The following SEMA3A variants were observed in gnomAD, a reference collection of about 807,000 sequenced individuals.
SEMA3A encodes semaphorin-3A.
A neutral mutation model predicts 97.9 loss-of-function variants in SEMA3A; 29 were observed. The observed-to-expected ratio is 0.30, with a 90% CI of 0.22 to 0.40. SEMA3A has a LOEUF of 0.40. Among genes scored for constraint, SEMA3A ranks in the 10% least tolerant of loss-of-function variants. The pLI, the probability that SEMA3A is intolerant of heterozygous loss-of-function variation, is 1.00. For synonymous variants in SEMA3A, 321 were observed against 323.7 expected (o/e 0.99, Z 0.09); for missense variants, 763 against 951.3 (o/e 0.80, Z 2.60).
At chr7:84,277,292 G>A (rs1290352748) in intron 3 of SEMA3A, among the ~76,000 whole-genome samples, 1 of 151,988 alleles carries the variant, frequency 6.6e-6, no homozygotes, top group Non-Finnish European at 1.5e-5. Flanking sequence ...ATGAAATCAT[G>A]GTTTAATATA....
At chr7:84,433,008 C>T (rs1805024574) in intron 1 of SEMA3A, among the ~76,000 whole-genome samples, 1 of 151,788 alleles carries the variant, frequency 6.6e-6, no homozygotes, top group Admixed American at 6.6e-5. Flanking sequence ...TTTACATTTC[C>T]TACCACAGTG....
Position 83,961,649 on chromosome 7 carries a change from C to T in SEMA3A, c.2038G>A (p.Asp680Asn). ...TEHLEELLHK[D>N]DDGDGSKTKE... ...GTCTTAGAGCCATCTCCATCATCAT[C>T]TTTATGAAGAAGTTCTTCCAAATGC... The change falls in exon 17 of 17, where the codon GAT becomes AAT. Residue 680 changes from aspartate to asparagine, a missense_variant. Asp to Asn is a conservative substitution (Grantham distance 23). Around this residue, in one of 2 missense-constraint regions of SEMA3A, gnomAD observed 678 missense variants for 881.3 expected, o/e 0.77. Transcript: ENST00000265362. The T allele has an allele frequency of 1.2e-6, 2 of 1,613,886 alleles. No individual in the cohort carries two copies. The highest frequency in any genetic ancestry group is 8.5e-7 in the Non-Finnish European group (1 of 1,179,864).
intron 3 of SEMA3A, among the ~76,000 whole-genome samples, chr7:84,302,093 C>T (rs905764842): frequency 7.2e-5 from 11 of 151,958 alleles, no homozygotes; most frequent in Admixed American, 4.6e-4. Context: ...CAATGGACTA[C>T]CATTCAGTAA....
chr7:84,200,045 C>T (rs1029433599), upstream of SEMA3A, among the ~76,000 whole-genome samples: 3 of 151,866 alleles, frequency 2.0e-5, no homozygotes, highest in African/African-American at 4.8e-5. Flanking sequence ...TTAACTCTTC[C>T]CTCTCCCTTT....
intron 3 of SEMA3A, among the ~76,000 whole-genome samples, chr7:84,259,261 C>T (rs1170467482): frequency 6.6e-6 from 1 of 152,150 alleles, no homozygotes; most frequent in African/African-American, 2.4e-5. Flanking sequence ...CTATGCAACA[C>T]ACAATTTATG....
chr7:84,419,566 T>G (rs1397134265), intron 1 of SEMA3A, among the ~76,000 whole-genome samples: 1 of 151,040 alleles, frequency 6.6e-6, no homozygotes, highest in East Asian at 1.9e-4. Context: ...TAAAATAGAC[T>G]GCCTAAAGCC....
At chr7:84,006,397 TATTC>T (rs1790669377) in intron 10 of SEMA3A, among the ~76,000 whole-genome samples, 2 of 152,030 alleles carry the variant, frequency 1.3e-5, no homozygotes, top group African/African-American at 4.8e-5. Flanking sequence ...GGAAAAGTGT[TATTC>T]AAAGTGTTTA....
At chr7:84,061,376 C>T (rs1293444699) in intron 4 of SEMA3A, among the ~76,000 whole-genome samples, 3 of 152,240 alleles carry the variant, frequency 2.0e-5, no homozygotes, top group African/African-American at 4.8e-5. Context: ...AACTAATTCA[C>T]GCTTGAGACC....
At chr7:84,132,544 T>A (rs1013338211) in intron 2 of SEMA3A, among the ~76,000 whole-genome samples, 9 of 151,978 alleles carry the variant, frequency 5.9e-5, no homozygotes, top group Non-Finnish European at 1.3e-4. Context: ...AAGCTATCTA[T>A]CTGTAGATAT....
rs62477297 is a variant in SEMA3A, at chr7:84,095,167, C to A, written c.453+15303G>T. ...TATTATATATTGTATATATATTGCA[C>A]ATATCTCTCTATATATTGCTATATA... is the stretch of plus-strand genomic sequence containing the variant. On this transcript the variant is annotated intron_variant, in intron 4 of 16. Coordinates refer to ENST00000265362, the MANE Select transcript of SEMA3A (RefSeq NM_006080.3). Among the ~76,000 whole-genome samples, 192 of 146,194 alleles carry A rather than the reference C, an allele frequency of 1.3e-3. 2 individuals carry two copies. The East Asian group carries it at 0.017, about 13-fold the overall frequency.
intron 11 of SEMA3A, among the ~76,000 whole-genome samples, chr7:84,003,990 A>G (rs1790560399): frequency 6.6e-6 from 1 of 152,084 alleles, no homozygotes; most frequent in South Asian, 2.1e-4. Flanking sequence ...GTATTTCACA[A>G]TTTTGTTATA....
chr7:84,222,281 A>G (rs1042648084), intron 3 of SEMA3A, among the ~76,000 whole-genome samples: 1 of 152,008 alleles, frequency 6.6e-6, no homozygotes, highest in Non-Finnish European at 1.5e-5. Flanking sequence ...TATAAATATC[A>G]TGTCCTATCT....
At chr7:84,076,346 G>A (rs999346007) in intron 4 of SEMA3A, among the ~76,000 whole-genome samples, 4 of 148,808 alleles carry the variant, frequency 2.7e-5, no homozygotes, top group Non-Finnish European at 6.0e-5. Context: ...AAGTAGCAAA[G>A]AGACAGAAAC....
chr7:84,072,402 T>C (rs775038487), intron 4 of SEMA3A, among the ~76,000 whole-genome samples: 4 of 152,134 alleles, frequency 2.6e-5, no homozygotes, highest in Non-Finnish European at 5.9e-5. Flanking sequence ...CAGTTGTTTT[T>C]TTCCTGACTG....
At chr7:84,352,640 C>A (rs1802465774) in intron 2 of SEMA3A, among the ~76,000 whole-genome samples, 1 of 151,706 alleles carries the variant, frequency 6.6e-6, no homozygotes, top group African/African-American at 2.4e-5. Flanking sequence ...ATAGTGAGGG[C>A]CAAGACTGAA....
intron 12 of SEMA3A, among the ~76,000 whole-genome samples, chr7:83,989,316 A>C (rs559903627): frequency 2.0e-4 from 31 of 152,252 alleles, no homozygotes; most frequent in Middle Eastern, 3.4e-3. Flanking sequence ...AAGGTAGATA[A>C]AAATTATTAT....
intron 11 of SEMA3A, 27 bp from the exon 12 acceptor site, chr7:84,002,073 A>C: frequency 7.6e-7 from 1 of 1,322,436 alleles, no homozygotes; most frequent in Non-Finnish European, 1.1e-6. Context: ...GGAGAAGACC[A>C]CAAGTTAAGT....
intron 1 of SEMA3A, among the ~76,000 whole-genome samples, chr7:84,469,564 G>A (rs1193215232): frequency 6.6e-6 from 1 of 152,064 alleles, no homozygotes; most frequent in African/African-American, 2.4e-5. Flanking sequence ...CAAAACATAA[G>A]GAATATTTCT....
At chr7:84,206,131 C>G (rs916013751) in intron 3 of SEMA3A, among the ~76,000 whole-genome samples, 4 of 152,098 alleles carry the variant, frequency 2.6e-5, no homozygotes, top group African/African-American at 9.7e-5. Context: ...TTCCCTCATA[C>G]AATTTCAGAA....
Sources: allele counts gnomAD v4.1 joint callset (sites outside exome capture counted in the v4.1 genomes callset), GRCh38; gene constraint gnomAD v4.1.1; regional missense constraint gnomAD v4.1.1; transcripts MANE v1.5; gene names NCBI Gene and HGNC (gene_info 2026-07-23, HGNC 2026-07-21).